Variants in CTNND2 observed in about 807,000 individuals in gnomAD.
CTNND2 encodes the protein catenin delta 2.
CTNND2 carries 22 observed loss-of-function variants against 144.4 expected under a neutral mutation model. That is an observed-to-expected ratio of 0.15 (90% confidence interval 0.11 to 0.22). The LOEUF is 0.22. CTNND2 is among the 10% of genes least tolerant of loss of function. CTNND2 has a pLI of 1.00. For synonymous variants in CTNND2, 751 were observed against 695.6 expected, an observed-to-expected ratio of 1.08 and a Z score of -1.25; for missense variants, 1,353 against 1,618.8, an observed-to-expected ratio of 0.84 and a Z score of 2.82.
chr5:11,642,046 T>G (rs1782094398), intron 2 of CTNND2, among the ~76,000 whole-genome samples: 1 of 152,124 alleles, frequency 6.6e-6, no homozygotes, highest in African/African-American at 2.4e-5. Flanking sequence ...TTACATTGCA[T>G]GAGCTTGGCA....
chr5:11,848,322 G>A (rs986717551), intron 1 of CTNND2, among the ~76,000 whole-genome samples: 3 of 151,940 alleles, frequency 2.0e-5, no homozygotes, highest in African/African-American at 7.3e-5. Flanking sequence ...AATACAACTA[G>A]GCTAGAAGTC....
intron 18 of CTNND2, among the ~76,000 whole-genome samples, chr5:11,008,845 A>G (rs1220148449): frequency 6.6e-6 from 1 of 152,126 alleles, no homozygotes; most frequent in South Asian, 2.1e-4. Context: ...CAGGGAGTGG[A>G]CTATGTAAAG....
intron 1 of CTNND2, among the ~76,000 whole-genome samples, chr5:11,881,556 T>C (rs1181040314): frequency 3.3e-5 from 5 of 151,922 alleles, no homozygotes; most frequent in Admixed American, 6.6e-5. Context: ...GCCTGGCTTA[T>C]TTCATTTAAC....
intron 2 of CTNND2, among the ~76,000 whole-genome samples, chr5:11,612,798 G>A (rs1780396416): frequency 6.6e-6 from 1 of 152,096 alleles, no homozygotes; most frequent in Admixed American, 6.6e-5. Context: ...AACTTGGGAG[G>A]TTAAGGCGGG....
intron 16 of CTNND2, among the ~76,000 whole-genome samples, chr5:11,038,395 G>A (rs536602813): frequency 2.6e-5 from 4 of 152,300 alleles, no homozygotes; most frequent in Non-Finnish European, 4.4e-5. Flanking sequence ...GGTTGCACAC[G>A]CCTTATGAGA....
At chr5:11,194,787 G>A (rs1736684558) in intron 11 of CTNND2, among the ~76,000 whole-genome samples, 1 of 152,102 alleles carries the variant, frequency 6.6e-6, no homozygotes, top group Admixed American at 6.5e-5. Flanking sequence ...TATCCTTAGA[G>A]AAATTCAAAA....
chr5:11,398,560 T>C (rs1760346789), intron 5 of CTNND2, among the ~76,000 whole-genome samples: 2 of 152,078 alleles, frequency 1.3e-5, no homozygotes, highest in African/African-American at 4.8e-5. Context: ...ACTAGTACAG[T>C]TATTTTGGAA....
chr5:11,678,350 C>A (rs1292358320), intron 2 of CTNND2, among the ~76,000 whole-genome samples: 1 of 152,016 alleles, frequency 6.6e-6, no homozygotes, highest in African/African-American at 2.4e-5. Context: ...CTTCAGAACC[C>A]CTGACTGGTA....
At chr5:11,525,749 T>C (rs995889824) in intron 3 of CTNND2, among the ~76,000 whole-genome samples, 2 of 152,094 alleles carry the variant, frequency 1.3e-5, no homozygotes, top group Non-Finnish European at 2.9e-5. Context: ...ACAGTCCCAG[T>C]GTGAGTGTGT....
intron 3 of CTNND2, among the ~76,000 whole-genome samples, chr5:11,463,551 T>C (rs1766402577): frequency 6.6e-6 from 1 of 152,172 alleles, no homozygotes; most frequent in East Asian, 1.9e-4. Context: ...AGGAAAATGC[T>C]GCCTGCCATA....
At chr5:11,637,758 ATTAT>A (rs1369402251) in intron 2 of CTNND2, among the ~76,000 whole-genome samples, 1 of 152,192 alleles carries the variant, frequency 6.6e-6, no homozygotes, top group Non-Finnish European at 1.5e-5. Context: ...TAAATTATTT[ATTAT>A]TTATTTTTCA....
In CTNND2 at chr5:11,399,849, T is replaced by C. The variant is rs1027890940; in HGVS notation, c.440-2646A>G. Among the ~76,000 whole-genome samples, 3 of 152,214 alleles carry C rather than the reference T, an allele frequency of 2.0e-5. No individual in the cohort carries two copies. The East Asian group carries it at 5.8e-4, about 29-fold the overall frequency. ...GGCAAGGACAGAACAGTCAAGACAA[T>C]AGCCAAAACCATGTATGCATTTTAG... On this transcript the variant is annotated intron_variant, in intron 5 of 21. Transcript: ENST00000304623.
intron 9 of CTNND2, among the ~76,000 whole-genome samples, chr5:11,283,705 A>AAG (rs1554020548): frequency 0.044 from 5,399 of 122,036 alleles, 284 homozygotes; most frequent in African/African-American, 0.055. Flanking sequence ...AAAAAAAAAA[A>AAG]AGAGAGAGAC....
chr5:11,805,249 A>T (rs1225945801), intron 1 of CTNND2, among the ~76,000 whole-genome samples: 1 of 152,178 alleles, frequency 6.6e-6, no homozygotes, highest in Non-Finnish European at 1.5e-5. Flanking sequence ...ATAGCTTTGT[A>T]CAGATACAGA....
chr5:11,095,472 AT>A (rs1751238689), intron 15 of CTNND2, among the ~76,000 whole-genome samples: 1 of 152,266 alleles, frequency 6.6e-6, no homozygotes, highest in Admixed American at 6.5e-5. Context: ...ACTAGTAGAC[AT>A]TAATAAATAG....
chr5:11,647,664 T>C (rs1158449228), intron 2 of CTNND2, among the ~76,000 whole-genome samples: 1 of 152,102 alleles, frequency 6.6e-6, no homozygotes, highest in East Asian at 1.9e-4. Flanking sequence ...ACACAATTCT[T>C]TCTGGGCTTC....
intron 12 of CTNND2, among the ~76,000 whole-genome samples, chr5:11,119,601 C>T (rs61753312): frequency 0.013 from 2,026 of 152,246 alleles, 43 homozygotes; most frequent in African/African-American, 0.046. Context: ...TTTAAAGGAG[C>T]ATTTTAGATC....
intron 13 of CTNND2, among the ~76,000 whole-genome samples, chr5:11,113,463 G>A (rs1003850594): frequency 2.0e-5 from 3 of 152,080 alleles, no homozygotes; most frequent in African/African-American, 7.2e-5. Context: ...AGTATGGCCC[G>A]CAACACCGGG....
At chr5:11,504,517 C>T (rs1040840955) in intron 3 of CTNND2, among the ~76,000 whole-genome samples, 3 of 152,244 alleles carry the variant, frequency 2.0e-5, no homozygotes, top group Admixed American at 6.5e-5. Context: ...TTGATTTCCC[C>T]GCCTGACAAT....
Sources: allele counts gnomAD v4.1 joint callset (sites outside exome capture counted in the v4.1 genomes callset), GRCh38; gene constraint gnomAD v4.1.1; transcripts MANE v1.5; gene names NCBI Gene and HGNC (gene_info 2026-07-23, HGNC 2026-07-21).